Variants in SLC2A14 observed in about 807,000 individuals in gnomAD.
SLC2A14 encodes solute carrier family 2 member 14.
SLC2A14 carries 13 observed loss-of-function variants against 43.0 expected under a neutral mutation model. The ratio of observed to expected loss-of-function variants is 0.30; its 90% CI spans 0.20 to 0.48. SLC2A14 has a LOEUF of 0.48. Among genes scored for constraint, SLC2A14 ranks in the 20% least tolerant of loss-of-function variants. SLC2A14 has a pLI of 0.99. For missense variants in SLC2A14, 428 were observed against 620.4 expected (o/e 0.69, Z 3.29); for synonymous variants, 190 against 233.8 (o/e 0.81, Z 1.71).
In SLC2A14 at chr12:7,813,748, C is replaced by G. The variant is rs1463978473; in HGVS notation, c.*568G>C. ...TTACTCTATAACCTCTCTTTAAACA[C>G]CTCCCTCTAATCTCAATTTCCTTCT... is the stretch of plus-strand genomic sequence containing the variant. On this transcript the variant is annotated 3_prime_UTR_variant, in exon 11 of 11. Transcript: ENST00000431042. The G allele has an allele frequency of 6.3e-6, 1 of 159,002 alleles. No individual in the cohort carries two copies. Among genetic ancestry groups the G allele is most frequent in the African/African-American group, 2.4e-5 (1 of 41,564 alleles). 9.8% of individuals were successfully genotyped at this position (159,002 alleles called of 1,614,324 possible).
In SLC2A14 at chr12:7,878,865, T is replaced by C. The variant is rs192570236; in HGVS notation, c.132+12131A>G. On this transcript the variant is annotated intron_variant, in intron 1 of 9. Transcript: ENST00000539924. ...GCTGGCACCTGCCTGTAATCCCAGC[T>C]ACTCAGGAGGCTGAGGCAGAAGAAT... 7.3e-3 allele frequency among the ~76,000 whole-genome samples: 1,082 copies of C among 147,810 alleles called. 9 individuals are homozygous for C. The highest frequency in any genetic ancestry group is 0.025 in the African/African-American group (1,014 of 40,326).
chr12:7,866,855 T>C (rs778675965), intron 2 of SLC2A14, among the ~76,000 whole-genome samples: 1 of 152,128 alleles, frequency 6.6e-6, no homozygotes, highest in East Asian at 1.9e-4. Flanking sequence ...GCTAAGATAA[T>C]TGATAAAAGT....
intron 2 of SLC2A14, among the ~76,000 whole-genome samples, chr12:7,851,103 A>G (rs1383804582): frequency 6.6e-6 from 1 of 152,196 alleles, no homozygotes; most frequent in African/African-American, 2.4e-5. Flanking sequence ...TTTTTAGAAC[A>G]AAGACAAGGT....
chr12:7,872,788 G>T lies in SLC2A14; in HGVS notation c.-58+19C>A, dbSNP rs1271025934. Reference sequence around the variant, plus strand: ...CATTCCCGCACCCCCCGGCCGCAGGGACGGCGCGGCGCACCCACCTCCCAG... The same window carrying T: ...CATTCCCGCACCCCCCGGCCGCAGGTACGGCGCGGCGCACCCACCTCCCAG... On this transcript the variant is annotated intron_variant, in intron 1 of 10. Transcript: ENST00000431042. 3.0e-6 allele frequency: 3 copies of T among 985,380 alleles called. No homozygotes were observed. Among genetic ancestry groups the T allele is most frequent in the Non-Finnish European group, 3.6e-6 (3 of 830,058 alleles). The allele number at this position is 985,380 out of a possible 1,614,324, so 61.0% of individuals were successfully genotyped here.
chr12:7,862,556 A>C (rs1211332144), intron 2 of SLC2A14, among the ~76,000 whole-genome samples: 1 of 151,938 alleles, frequency 6.6e-6, no homozygotes, highest in Non-Finnish European at 1.5e-5. Context: ...ACCACCCAAG[A>C]GCTAAGGAAT....
At chr12:7,886,178 T>C (rs956323336) in intron 1 of SLC2A14, among the ~76,000 whole-genome samples, 1 of 44,682 alleles carries the variant, frequency 2.2e-5, no homozygotes, top group Non-Finnish European at 4.3e-5. Context: ...TTTTTTTTTT[T>C]TTTGAGACAA....
intron 2 of SLC2A14, among the ~76,000 whole-genome samples, chr12:7,861,152 A>G (rs1436745097): frequency 6.6e-6 from 1 of 152,122 alleles, no homozygotes; most frequent in Non-Finnish European, 1.5e-5. Context: ...AAAAGGAAGA[A>G]CCAAAGAGAG....
intron 2 of SLC2A14, among the ~76,000 whole-genome samples, chr12:7,853,710 T>C (rs2120944644): frequency 6.6e-6 from 1 of 152,300 alleles, no homozygotes; most frequent in Middle Eastern, 3.4e-3. Flanking sequence ...ATTATTCTGG[T>C]CACGTTAGTC....
At chr12:7,818,075 G>C (rs749160107) in intron 9 of SLC2A14, 41 bp from the exon 10 acceptor site, 27 of 1,574,702 alleles carry the variant, frequency 1.7e-5, no homozygotes, top group Non-Finnish European at 2.3e-5. Context: ...TTTAAAGACA[G>C]TGTAACCCAG....
At chr12:7,842,011 A>T (rs1865994314) in intron 2 of SLC2A14, among the ~76,000 whole-genome samples, 4 of 134,772 alleles carry the variant, frequency 3.0e-5, no homozygotes, top group Non-Finnish European at 4.7e-5. Flanking sequence ...GTCTCAAAAG[A>T]AAAAAAAAAA....
rs1565509250 is a variant in SLC2A14, at chr12:7,827,060, T to TCTCTCCTTTCTCTTTCTCTC, written c.864+434_864+435insGAGAGAAAGAGAAAGGAGAG. On this transcript the variant is annotated intron_variant, in intron 7 of 10. Transcript: ENST00000431042. Reference sequence around the variant, plus strand: ...TTTCTCTCCTTTCTCTCTCTCTCTTTCTTTCTCTCTCTCTCTTTCTTTCTT... The same window carrying TCTCTCCTTTCTCTTTCTCTC: ...TTTCTCTCCTTTCTCTCTCTCTCTTTCTCTCCTTTCTCTTTCTCTCCTTTCTCTCTCTCTCTTTCTTTCTT... Among the ~76,000 whole-genome samples the TCTCTCCTTTCTCTTTCTCTC allele has an allele frequency of 7.2e-5, 7 of 96,642 alleles. No homozygotes were observed. In the East Asian group the frequency reaches 1.1e-3, roughly 15 times the overall value. 63.4% of individuals were successfully genotyped at this position (96,642 alleles called of 152,430 possible). A position where few individuals can be genotyped will look rare whatever the true frequency, so the allele number is the denominator to read the frequency against.
chr12:7,830,288 A>G (rs1364162236), intron 4 of SLC2A14, among the ~76,000 whole-genome samples: 1 of 152,018 alleles, frequency 6.6e-6, no homozygotes, highest in East Asian at 1.9e-4. Flanking sequence ...AGTAGCTGGG[A>G]TAACAGGCGC....
In SLC2A14 at chr12:7,840,861, A is replaced by T. The variant is rs760494734; in HGVS notation, c.19-8047T>A. ...GAATGATCCTAAAGGTTTTGGCTGG[A>T]GCAACTGGAGAACTGGAGTTGCCAT... is the stretch of plus-strand genomic sequence containing the variant. On this transcript the variant is annotated intron_variant, in intron 2 of 10. Coordinates refer to ENST00000431042, the MANE Select transcript of SLC2A14 (RefSeq NM_001286234.2). 2.5e-3 allele frequency among the ~76,000 whole-genome samples: 379 copies of T among 152,306 alleles called. 1 individual carries two copies. Among genetic ancestry groups the T allele is most frequent in the African/African-American group, 7.9e-3 (327 of 41,564 alleles).
rs1172904297 is a variant in SLC2A14 at position 7,840,004 on chromosome 12, C to T, written c.19-7190G>A. 8 of 349,790 alleles carry T rather than the reference C, an allele frequency of 2.3e-5. No individual in the cohort carries two copies. In the East Asian group the frequency reaches 4.9e-4, roughly 21 times the overall value. 21.7% of individuals were successfully genotyped at this position (349,790 alleles called of 1,614,324 possible). ...GTTTGCACTTGTAGTCCCAGCTACT[C>T]GGGTGGCTGAGGTGGGAGGATCACT... On this transcript the variant is annotated intron_variant, in intron 2 of 10. Transcript: ENST00000431042.
chr12:7,873,383 T>C, upstream of SLC2A14: 1 of 983,816 alleles, frequency 1.0e-6, no homozygotes, highest in South Asian at 4.7e-5. Flanking sequence ...GGCTCACACC[T>C]GTAATCCTAG....
intron 2 of SLC2A14, among the ~76,000 whole-genome samples, chr12:7,842,916 T>C (rs1011525882): frequency 1.3e-5 from 2 of 151,924 alleles, no homozygotes; most frequent in Admixed American, 6.6e-5. Flanking sequence ...TTAGTAGAGA[T>C]AGGGTTTCTA....
At chr12:7,861,960 T>TC (rs1356999866) in intron 2 of SLC2A14, among the ~76,000 whole-genome samples, 3 of 32,650 alleles carry the variant, frequency 9.2e-5, no homozygotes, top group African/African-American at 1.7e-4. Flanking sequence ...AGACTCCATT[T>TC]CAAAAAAAAA....
intron 7 of SLC2A14, among the ~76,000 whole-genome samples, chr12:7,824,020 CTGAGG>C (rs1864145357): frequency 6.6e-6 from 1 of 152,106 alleles, no homozygotes; most frequent in African/African-American, 2.4e-5. Context: ...CATTGGGAGG[CTGAGG>C]TGAGTGGATC....
chr12:7,879,334 A>AAG (rs1389345556), intron 1 of SLC2A14, among the ~76,000 whole-genome samples: 2 of 146,788 alleles, frequency 1.4e-5, no homozygotes, highest in Non-Finnish European at 1.5e-5. Context: ...CAACAACAAA[A>AAG]AAAAACAAAA....
Sources: gnomAD v4.1 joint callset for allele counts (sites outside exome capture counted in the v4.1 genomes callset) on GRCh38, gnomAD v4.1.1 for gene constraint, MANE v1.5 for transcripts, NCBI Gene and HGNC (gene_info 2026-07-23, HGNC 2026-07-21) for gene names.